PTPRU: variants seen among roughly 807,000 people sequenced by gnomAD.
The protein encoded by PTPRU is protein tyrosine phosphatase receptor type U, also known as receptor-type tyrosine-protein phosphatase U.
PTPRU carries 69 observed loss-of-function variants against 166.3 expected under a neutral mutation model. The observed-to-expected ratio is 0.41, with a 90% CI of 0.34 to 0.51. PTPRU has a LOEUF of 0.51. PTPRU is among the 20% of genes least tolerant of loss of function. The pLI, the probability that PTPRU is intolerant of heterozygous loss-of-function variation, is 0.09. For synonymous variants in PTPRU, 793 were observed against 814.0 expected, an observed-to-expected ratio of 0.97 and a Z score of 0.44; for missense variants, 1,657 against 2,013.7, an observed-to-expected ratio of 0.82 and a Z score of 3.39.
At chr1:29,293,024 G>C (rs1207192609) in intron 15 of PTPRU, among the ~76,000 whole-genome samples, 2 of 152,116 alleles carry the variant, frequency 1.3e-5, no homozygotes, top group Non-Finnish European at 2.9e-5. Context: ...CTGTTGCCCA[G>C]GCTGGAGTGC....
chr1:29,303,834 T>G, intron 15 of PTPRU, 21 bp from the exon 16 acceptor site: 3 of 1,585,442 alleles, frequency 1.9e-6, no homozygotes, highest in Non-Finnish European at 1.7e-6. Flanking sequence ...CAAGAACCCT[T>G]TTGTCTTTCT....
In PTPRU at chr1:29,257,986, A is replaced by G. The variant is rs942968594; in HGVS notation, c.206-519A>G. Among the ~76,000 whole-genome samples, 2 of 151,386 alleles carry G rather than the reference A, an allele frequency of 1.3e-5. No homozygotes were observed. Among genetic ancestry groups the G allele is most frequent in the Admixed American group, 1.3e-4 (2 of 15,236 alleles). On this transcript the variant is annotated intron_variant, in intron 2 of 29. Coordinates refer to ENST00000373779, the MANE Select transcript of PTPRU (RefSeq NM_133178.4). This position sits in a 1 kb window ranked among gnomAD's most constrained non-coding sequence, Gnocchi z 4.6. ...CCATAATTTTTTTTTTCTTTTTGAG[A>G]CCGAGTCTTGCTCTGTCACCCAGGC...
At chr1:29,239,504 G>A (rs928531773) in intron 1 of PTPRU, among the ~76,000 whole-genome samples, 17 of 152,128 alleles carry the variant, frequency 1.1e-4, no homozygotes, top group South Asian at 4.1e-4. Context: ...AGGTGGGGAC[G>A]CTGAGCTCCT....
intron 16 of PTPRU, among the ~76,000 whole-genome samples, chr1:29,304,377 C>T (rs1007889360): frequency 6.6e-6 from 1 of 151,972 alleles, no homozygotes; most frequent in Non-Finnish European, 1.5e-5. Flanking sequence ...GACATTGATC[C>T]TGACTGTCAT....
chr1:29,257,707 T>G lies in PTPRU; in HGVS notation c.206-798T>G, dbSNP rs1684834366. Among the ~76,000 whole-genome samples the G allele has an allele frequency of 6.6e-6, 1 of 152,134 alleles. No homozygotes were observed. Among genetic ancestry groups the G allele is most frequent in the Non-Finnish European group, 1.5e-5 (1 of 68,018 alleles). The stretch of plus-strand genomic sequence containing the variant: ...TCTCTGTTCTACATATTCATTCAGC[T>G]TGCGTCCTGAGGCCTCACAGCCTGG... On this transcript the variant is annotated intron_variant, in intron 2 of 29. Transcript: ENST00000373779. The surrounding 1 kb of genome is among the most constrained non-coding windows in gnomAD (Gnocchi z 4.6).
At chr1:29,245,949 G>A (rs1436778870) in intron 1 of PTPRU, among the ~76,000 whole-genome samples, 1 of 152,236 alleles carries the variant, frequency 6.6e-6, no homozygotes, top group East Asian at 1.9e-4. Flanking sequence ...ATAGCTCCTC[G>A]CATTGCAGCA....
chr1:29,260,764 C>T lies in PTPRU; in HGVS notation c.1005C>T (p.His335=), dbSNP rs1296479585. The change falls in exon 7 of 30, where the codon CAC becomes CAT. Residue 335 remains histidine (H), a synonymous_variant. Coordinates refer to ENST00000373779, the MANE Select transcript of PTPRU (RefSeq NM_133178.4). This position sits in a 1 kb window ranked among gnomAD's most constrained non-coding sequence, Gnocchi z 8.3. ...RMARGPWAEV[H]AVSLQTYKLW... ...CGCGCGGGCCCTGGGCTGAGGTGCA[C>T]GCCGTCAGCCTGCAGACCTACAAGC... 1 of 1,612,906 alleles carries T rather than the reference C, an allele frequency of 6.2e-7. No homozygotes were observed. Among genetic ancestry groups the T allele is most frequent in the Non-Finnish European group, 8.5e-7 (1 of 1,179,472 alleles).
intron 18 of PTPRU, 130 bp downstream of exon 18, chr1:29,305,558 G>A: frequency 1.1e-6 from 1 of 941,714 alleles, no homozygotes; most frequent in Non-Finnish European, 1.7e-6. Context: ...CCCTATCTCT[G>A]CAGTCAGTGC....
chr1:29,301,166 C>A (rs1252998851), intron 15 of PTPRU, among the ~76,000 whole-genome samples: 2 of 152,080 alleles, frequency 1.3e-5, no homozygotes, highest in African/African-American at 4.8e-5. Context: ...TTGAATAAGC[C>A]CCTCACAGCC....
chr1:29,292,960 C>A (rs192924207), intron 15 of PTPRU, among the ~76,000 whole-genome samples: 69 of 151,612 alleles, frequency 4.6e-4, no homozygotes, highest in African/African-American at 1.6e-3. Context: ...GGATTACAGG[C>A]ACCTGCCACC....
chr1:29,256,845 C>T (rs1441531429), intron 2 of PTPRU, among the ~76,000 whole-genome samples: 1 of 152,154 alleles, frequency 6.6e-6, no homozygotes, highest in Non-Finnish European at 1.5e-5. Context: ...TGAGTGCACA[C>T]TGCCTCTCTT....
chr1:29,251,610 G>A (rs1246465202), intron 1 of PTPRU, among the ~76,000 whole-genome samples: 1 of 152,186 alleles, frequency 6.6e-6, no homozygotes, highest in African/African-American at 2.4e-5. Flanking sequence ...CTGAGGTCAG[G>A]TGGTCTGGGT....
chr1:29,260,117 T>C lies in PTPRU; in HGVS notation c.850+73T>C. 1 of 546,240 alleles carries C rather than the reference T, an allele frequency of 1.8e-6. No individual in the cohort carries two copies. The highest frequency in any genetic ancestry group is 2.5e-6 in the Non-Finnish European group (1 of 393,096). The allele number at this position is 546,240 out of a possible 1,614,324, so 33.8% of individuals were successfully genotyped here. On this transcript the variant is annotated intron_variant, in intron 6 of 29. Coordinates refer to ENST00000373779, the MANE Select transcript of PTPRU (RefSeq NM_133178.4). The surrounding 1 kb of genome is among the most constrained non-coding windows in gnomAD (Gnocchi z 8.3). ...CGGGGCCGGCGACGGGGGCGGGCTC[T>C]GCCCGGGGGCGTGGCCGTGGGGGGT... is the stretch of plus-strand genomic sequence containing the variant.
At chr1:29,242,932 CTG>C (rs1461508691) in intron 1 of PTPRU, among the ~76,000 whole-genome samples, 9 of 151,536 alleles carry the variant, frequency 5.9e-5, no homozygotes, top group African/African-American at 2.2e-4. Context: ...GAGTCTCACT[CTG>C]TCACCCAGGC....
intron 15 of PTPRU, among the ~76,000 whole-genome samples, chr1:29,302,879 G>A (rs1309802448): frequency 6.6e-6 from 1 of 152,072 alleles, no homozygotes; most frequent in African/African-American, 2.4e-5. Flanking sequence ...TATTTTTAGT[G>A]TGCATTTTCT....
At chr1:29,290,718 T>TCTCC (rs1686591761) in intron 14 of PTPRU, among the ~76,000 whole-genome samples, 3 of 152,222 alleles carry the variant, frequency 2.0e-5, no homozygotes, top group Admixed American at 1.3e-4. Flanking sequence ...GACAGGCAGC[T>TCTCC]CTCCCTGCTG....
rs748603751 is a variant in PTPRU at position 29,325,594 on chromosome 1, C to A, written c.4249-5C>A. The A allele has an allele frequency of 9.3e-6, 15 of 1,609,680 alleles. No individual in the cohort carries two copies. In the South Asian group the frequency reaches 1.4e-4, roughly 15 times the overall value. ...ATGATTCCCTCCCTCTCTTCCTCTC[C>A]CCAGGATCAGTACCACTTTTGCTAC... On this transcript the variant is annotated splice_polypyrimidine_tract_variant and splice_region_variant and intron_variant, in intron 29 of 29. Coordinates refer to ENST00000373779, the MANE Select transcript of PTPRU (RefSeq NM_133178.4).
At chr1:29,272,906 C>CAAAAAA (rs57076551) in intron 7 of PTPRU, among the ~76,000 whole-genome samples, 3 of 54,646 alleles carry the variant, frequency 5.5e-5, no homozygotes, top group East Asian at 8.2e-4. Flanking sequence ...GACCTTGTCT[C>CAAAAAA]AAAAAAAAAA....
In PTPRU at chr1:29,267,521, T is replaced by C. The variant is rs546781604; in HGVS notation, c.1144+6618T>C. 1.4e-3 allele frequency among the ~76,000 whole-genome samples: 207 copies of C among 152,226 alleles called. 1 individual carries two copies. Among genetic ancestry groups the C allele is most frequent in the Middle Eastern group, 6.8e-3 (2 of 294 alleles). On this transcript the variant is annotated intron_variant, in intron 7 of 29. Transcript: ENST00000373779. ...TGAGGGACTGAGCCGTGCAGAGAGCTGGGGGCTTGCTGGGGGAAGCAAGCA... is the reference window on the plus strand; with the variant it reads ...TGAGGGACTGAGCCGTGCAGAGAGCCGGGGGCTTGCTGGGGGAAGCAAGCA...
Sources: allele counts gnomAD v4.1 joint callset (sites outside exome capture counted in the v4.1 genomes callset), GRCh38; gene constraint gnomAD v4.1.1; non-coding constraint Gnocchi (gnomAD v3.1); transcripts MANE v1.5; gene names NCBI Gene and HGNC (gene_info 2026-07-23, HGNC 2026-07-21).